KCNB2: variants seen among roughly 807,000 people sequenced by gnomAD.
The protein encoded by KCNB2 is delayed rectifier potassium channel protein.
In KCNB2, 15 loss-of-function variants were observed where a neutral mutation model predicts 61.5. The observed-to-expected ratio is 0.24, with a 90% CI of 0.16 to 0.38. KCNB2 has a LOEUF of 0.38. KCNB2 is among the 10% of genes least tolerant of loss of function. The probability of loss-of-function intolerance (pLI) is 1.00; values close to 1 mark genes in which losing one functional copy is unlikely to be tolerated. For missense variants in KCNB2, 828 were observed against 1,125.2 expected, an observed-to-expected ratio of 0.74 and a Z score of 3.78; for synonymous variants, 457 against 446.0, an observed-to-expected ratio of 1.02 and a Z score of -0.31.
At chr8:72,831,784 T>C (rs1809701830) in intron 2 of KCNB2, among the ~76,000 whole-genome samples, 1 of 152,224 alleles carries the variant, frequency 6.6e-6, no homozygotes, top group African/African-American at 2.4e-5. Flanking sequence ...GTTCAATACT[T>C]TGTCTGAGAA....
At chr8:72,928,709 C>T (rs1274700561) in intron 2 of KCNB2, among the ~76,000 whole-genome samples, 1 of 129,670 alleles carries the variant, frequency 7.7e-6, no homozygotes, top group Non-Finnish European at 1.7e-5. Flanking sequence ...CACACACACA[C>T]ACACAGTTTT....
At position 72,608,843 on chromosome 8, in the gene KCNB2, A is replaced by G. The variant is rs558866091; in HGVS notation, c.579+40530A>G. ...GTACATAGCTTCACAACTTGGCCCA[A>G]CTTGTGAAGTTTGGGCTTCACCAGT... On this transcript the variant is annotated intron_variant, in intron 2 of 2. Transcript: ENST00000523207. 1.8e-4 allele frequency among the ~76,000 whole-genome samples: 27 copies of G among 152,292 alleles called. No homozygotes were observed. In the East Asian group the frequency reaches 4.4e-3, roughly 25 times the overall value.
intron 2 of KCNB2, among the ~76,000 whole-genome samples, chr8:72,605,388 C>A (rs1191077941): frequency 6.6e-6 from 1 of 152,018 alleles, no homozygotes; most frequent in Non-Finnish European, 1.5e-5. Context: ...GTTCTTTGGG[C>A]CTATTTGTGT....
chr8:72,562,516 G>T (rs1806554262), intron 1 of KCNB2, among the ~76,000 whole-genome samples: 1 of 152,088 alleles, frequency 6.6e-6, no homozygotes, highest in Non-Finnish European at 1.5e-5. Flanking sequence ...CTGACTGATT[G>T]TAGCAAGCTT....
Position 72,611,844 on chromosome 8 carries a change from A to AT in KCNB2, c.579+43541dup, listed in dbSNP as rs957259386. 3.1e-3 allele frequency among the ~76,000 whole-genome samples: 458 copies of AT among 148,588 alleles called. 3 individuals carry two copies. The highest frequency in any genetic ancestry group is 9.9e-3 in the African/African-American group (400 of 40,606). On this transcript the variant is annotated intron_variant, in intron 2 of 2. Coordinates refer to ENST00000523207, the MANE Select transcript of KCNB2 (RefSeq NM_004770.3). ...CTTGCTGCCCAACCTTAAGAAACCCATTTTTTTTTTCTGGATCCTCACTTT... is the reference window on the plus strand; with the variant it reads ...CTTGCTGCCCAACCTTAAGAAACCCATTTTTTTTTTTCTGGATCCTCACTTT...
At chr8:72,730,694 C>G (rs1368891513) in intron 2 of KCNB2, among the ~76,000 whole-genome samples, 1 of 152,092 alleles carries the variant, frequency 6.6e-6, no homozygotes, top group Non-Finnish European at 1.5e-5. Flanking sequence ...AGAGTTAAAT[C>G]ATCTAAGTAA....
chr8:72,643,264 G>A (rs1215182293), intron 2 of KCNB2, among the ~76,000 whole-genome samples: 1 of 152,136 alleles, frequency 6.6e-6, no homozygotes, highest in Non-Finnish European at 1.5e-5. Context: ...TCTCGTATGT[G>A]CCAGGCCCTG....
intron 2 of KCNB2, among the ~76,000 whole-genome samples, chr8:72,679,940 T>TG (rs1806724452): frequency 6.6e-6 from 1 of 152,238 alleles, no homozygotes; most frequent in African/African-American, 2.4e-5. Context: ...TCTAATGGAA[T>TG]GATGCATCAC....
chr8:72,914,020 A>G (rs1425888901), intron 2 of KCNB2, among the ~76,000 whole-genome samples: 1 of 152,242 alleles, frequency 6.6e-6, no homozygotes. Context: ...TGAGTAACTT[A>G]TAAATGACAG....
intron 2 of KCNB2, among the ~76,000 whole-genome samples, chr8:72,874,238 A>C (rs956051943): frequency 6.6e-6 from 1 of 152,212 alleles, no homozygotes; most frequent in Non-Finnish European, 1.5e-5. Context: ...TTTTGGAAAA[A>C]TCTTAGCTGT....
chr8:72,629,174 T>A (rs1805840862), intron 2 of KCNB2, among the ~76,000 whole-genome samples: 2 of 152,130 alleles, frequency 1.3e-5, no homozygotes, highest in Non-Finnish European at 2.9e-5. Flanking sequence ...AAGACTAAAT[T>A]GAACTCATTC....
chr8:72,546,790 C>G lies in KCNB2; in HGVS notation c.-94+8905C>G, dbSNP rs1806265896. 2.0e-5 allele frequency among the ~76,000 whole-genome samples: 3 copies of G among 152,062 alleles called. No homozygotes were observed. In the South Asian group the frequency reaches 6.2e-4, roughly 32 times the overall value. On this transcript the variant is annotated intron_variant, in intron 1 of 2. Transcript: ENST00000523207. ...GGGACTACAGGCATGCACCACAACA[C>G]CTGGATAATTTTTTTATTGAAAATT...
intron 2 of KCNB2, among the ~76,000 whole-genome samples, chr8:72,891,270 G>A (rs1235245696): frequency 6.6e-6 from 1 of 152,240 alleles, no homozygotes; most frequent in Non-Finnish European, 1.5e-5. Flanking sequence ...TCAGGAGGCA[G>A]CAATGGTAGA....
Position 72,692,092 on chromosome 8 carries a change from C to T in KCNB2, c.579+123779C>T, listed in dbSNP as rs2128990178. 1.3e-5 allele frequency among the ~76,000 whole-genome samples: 2 copies of T among 151,852 alleles called. 1 individual carries two copies. Among genetic ancestry groups the T allele is most frequent in the South Asian group, 4.2e-4 (2 of 4,790 alleles). On this transcript the variant is annotated intron_variant, in intron 2 of 2. Coordinates refer to ENST00000523207, the MANE Select transcript of KCNB2 (RefSeq NM_004770.3). Reference sequence around the variant, plus strand: ...TCTACTAAAAATACAAAAAATTAGCCAGACGTGGTGGTGGGTGCCTGTAGT... The same window carrying T: ...TCTACTAAAAATACAAAAAATTAGCTAGACGTGGTGGTGGGTGCCTGTAGT...
At position 72,936,023 on chromosome 8, in the gene KCNB2, A is replaced by C; in HGVS notation, c.668A>C (p.Glu223Ala). The C allele has an allele frequency of 6.2e-7, 1 of 1,614,172 alleles. No homozygotes were observed. Among genetic ancestry groups the C allele is most frequent in the Non-Finnish European group, 8.5e-7 (1 of 1,180,030 alleles). ...NTLPELQETDEFGQLNDNRQL... is the reference protein window; with the variant it reads ...NTLPELQETDAFGQLNDNRQL... Reference sequence around the variant, plus strand: ...CTGCCGGAGCTGCAGGAAACGGACGAATTTGGACAACTCAATGACAACCGC... The same window carrying C: ...CTGCCGGAGCTGCAGGAAACGGACGCATTTGGACAACTCAATGACAACCGC... The change falls in exon 3 of 3, where the codon GAA (glutamate) becomes GCA (alanine). Residue 223 changes from glutamate to alanine, a missense_variant. Coordinates refer to ENST00000523207, the MANE Select transcript of KCNB2 (RefSeq NM_004770.3). The surrounding 1 kb of genome is among the most constrained non-coding windows in gnomAD (Gnocchi z 5.6).
chr8:72,717,909 C>T (rs1192269120), intron 2 of KCNB2, among the ~76,000 whole-genome samples: 1 of 151,962 alleles, frequency 6.6e-6, no homozygotes, highest in Non-Finnish European at 1.5e-5. Context: ...TTTGCAACCT[C>T]CTCATCTGAC....
At chr8:72,834,729 C>T (rs963291564) in intron 2 of KCNB2, among the ~76,000 whole-genome samples, 1 of 152,048 alleles carries the variant, frequency 6.6e-6, no homozygotes, top group African/African-American at 2.4e-5. Flanking sequence ...CTGGGCATAC[C>T]TTTCTGTAAA....
At chr8:72,569,362 A>G (rs1350737714) in intron 2 of KCNB2, among the ~76,000 whole-genome samples, 6 of 152,202 alleles carry the variant, frequency 3.9e-5, no homozygotes, top group Non-Finnish European at 7.3e-5. Flanking sequence ...ATAATAGAAC[A>G]TATGAGATTT....
chr8:72,747,595 G>A (rs1167663658), intron 2 of KCNB2, among the ~76,000 whole-genome samples: 3 of 152,136 alleles, frequency 2.0e-5, no homozygotes, highest in African/African-American at 7.2e-5. Flanking sequence ...AAGAATTTGA[G>A]GCAAGTCCAT....
Sources: gnomAD v4.1 joint callset for allele counts (sites outside exome capture counted in the v4.1 genomes callset) on GRCh38, gnomAD v4.1.1 for gene constraint, Gnocchi (gnomAD v3.1) non-coding constraint, MANE v1.5 for transcripts, NCBI Gene and HGNC (gene_info 2026-07-23, HGNC 2026-07-21) for gene names.